Variants in UVRAG observed in about 807,000 individuals in gnomAD.
UVRAG encodes the protein UV radiation resistance associated, also known as UV radiation resistance-associated gene protein.
A neutral mutation model predicts 78.0 loss-of-function variants in UVRAG; 19 were observed. That is an observed-to-expected ratio of 0.24 (90% confidence interval 0.17 to 0.36). The LOEUF is 0.36. Ranked by LOEUF, UVRAG falls within the 10% of genes least tolerant of loss-of-function variation. The pLI, the probability that UVRAG is intolerant of heterozygous loss-of-function variation, is 1.00. For missense variants in UVRAG, 740 were observed against 853.8 expected (o/e 0.87, Z 1.66); for synonymous variants, 323 against 324.6 (o/e 1.00, Z 0.05).
intron 3 of UVRAG, among the ~76,000 whole-genome samples, chr11:75,868,483 A>G (rs1451411192): frequency 6.6e-6 from 1 of 152,224 alleles, no homozygotes; most frequent in African/African-American, 2.4e-5. Context: ...TGGAAGGCAT[A>G]GCATTACAAT....
At chr11:75,936,267 G>A (rs1948371904) in intron 6 of UVRAG, among the ~76,000 whole-genome samples, 1 of 152,196 alleles carries the variant, frequency 6.6e-6, no homozygotes, top group Non-Finnish European at 1.5e-5. Flanking sequence ...CAATCAGTAA[G>A]TATTTGTGGG....
At chr11:75,835,300 A>G (rs1945752814) in intron 1 of UVRAG, 1 of 152,238 alleles carries the variant, frequency 6.6e-6, no homozygotes. Flanking sequence ...TAAATTGAGA[A>G]AACTCATTAC....
chr11:75,856,723 G>C (rs1185046102), intron 2 of UVRAG, among the ~76,000 whole-genome samples: 2 of 152,166 alleles, frequency 1.3e-5, no homozygotes, highest in African/African-American at 4.8e-5. Flanking sequence ...GGGATTATAG[G>C]CAGAAGCCAC....
intron 1 of UVRAG, 24 bp from the exon 2 acceptor site, chr11:75,851,859 C>G: frequency 6.3e-7 from 1 of 1,576,378 alleles, no homozygotes; most frequent in South Asian, 1.2e-5. Flanking sequence ...TGAATGCCTT[C>G]TCTTTTTTGT....
Position 76,141,676 on chromosome 11 carries a change from C to A in UVRAG, c.*263C>A. ...CCTCTAGTTGAAAGAGCTTACAGCT[C>A]GAGTCACCTTTTAGCTATTTGTCTG... On this transcript the variant is annotated 3_prime_UTR_variant, in exon 15 of 15. Transcript: ENST00000356136. The A allele has an allele frequency of 2.1e-6, 1 of 472,308 alleles. No individual in the cohort carries two copies. The highest frequency in any genetic ancestry group is 3.8e-6 in the Non-Finnish European group (1 of 265,226). 29.3% of individuals were successfully genotyped at this position (472,308 alleles called of 1,614,324 possible). A position where few individuals can be genotyped will look rare whatever the true frequency, so the allele number is the denominator to read the frequency against.
In UVRAG at chr11:76,141,218, C is replaced by A; in HGVS notation, c.1905C>A (p.Ile635=). ...LCCTVEQAEE[I]IGLEATGFAS... ...GTACTGTGGAGCAAGCAGAAGAAAT[C>A]ATCGGGCTGGAAGCCACAGGTTTCG... The change falls in exon 15 of 15, where the codon ATC becomes ATA. Residue 635 remains isoleucine (I), a synonymous_variant. Coordinates refer to ENST00000356136, the MANE Select transcript of UVRAG (RefSeq NM_003369.4). 1 of 1,614,092 alleles carries A rather than the reference C, an allele frequency of 6.2e-7. No homozygotes were observed. Among genetic ancestry groups the A allele is most frequent in the Non-Finnish European group, 8.5e-7 (1 of 1,180,024 alleles).
At chr11:76,042,842 A>G (rs1950675756) in intron 12 of UVRAG, among the ~76,000 whole-genome samples, 1 of 152,236 alleles carries the variant, frequency 6.6e-6, no homozygotes, top group African/African-American at 2.4e-5. Flanking sequence ...GCCATTTTCT[A>G]CTAGATGTCT....
intron 8 of UVRAG, among the ~76,000 whole-genome samples, chr11:75,994,764 A>G (rs908339988): frequency 2.6e-5 from 4 of 152,194 alleles, no homozygotes; most frequent in South Asian, 4.1e-4. Flanking sequence ...ACGAAACGTC[A>G]TTACTGCTTT....
At chr11:75,825,217 T>C (rs1464874291) in intron 1 of UVRAG, among the ~76,000 whole-genome samples, 1 of 151,964 alleles carries the variant, frequency 6.6e-6, no homozygotes, top group Non-Finnish European at 1.5e-5. Flanking sequence ...CAAGTAATTC[T>C]CCTGCCTCAG....
intron 6 of UVRAG, among the ~76,000 whole-genome samples, chr11:75,919,459 C>T (rs900908525): frequency 2.0e-5 from 3 of 151,762 alleles, no homozygotes; most frequent in Non-Finnish European, 4.4e-5. Context: ...CAGCAAGAAG[C>T]GAAAGCTGAT....
chr11:76,054,464 G>A (rs1950939098), intron 12 of UVRAG, among the ~76,000 whole-genome samples: 1 of 152,174 alleles, frequency 6.6e-6, no homozygotes, highest in African/African-American at 2.4e-5. Context: ...GTCATTCAGA[G>A]TAAAAACTGA....
At chr11:75,884,240 T>TCTCTTTCTCTCTCTCTCTCTC (rs1555080662) in intron 4 of UVRAG, among the ~76,000 whole-genome samples, 92 of 132,536 alleles carry the variant, frequency 6.9e-4, no homozygotes, top group African/African-American at 2.2e-3. Context: ...CTCTCTCTCT[T>TCTCTTTCTCTCTCTCTCTCTC]TCTCTCTCTC....
intron 6 of UVRAG, among the ~76,000 whole-genome samples, chr11:75,959,791 T>C (rs528525848): frequency 6.6e-6 from 1 of 152,194 alleles, no homozygotes; most frequent in Non-Finnish European, 1.5e-5. Context: ...ATTTCTAGCT[T>C]TTGATTTAAA....
chr11:76,086,093 G>C (rs982089217), intron 13 of UVRAG, among the ~76,000 whole-genome samples: 1 of 152,144 alleles, frequency 6.6e-6, no homozygotes, highest in Non-Finnish European at 1.5e-5. Context: ...CTTTAAATAA[G>C]TAACACGGGT....
chr11:75,824,344 A>G (rs1472115286), intron 1 of UVRAG, among the ~76,000 whole-genome samples: 3 of 152,042 alleles, frequency 2.0e-5, no homozygotes, highest in African/African-American at 4.8e-5. Flanking sequence ...ACAAAATGCT[A>G]TTAGGAATTT....
At chr11:76,036,749 A>C (rs11824565) in intron 12 of UVRAG, among the ~76,000 whole-genome samples, 2,141 of 152,054 alleles carry the variant, frequency 0.014, 57 homozygotes, top group African/African-American at 0.049. Flanking sequence ...AAAAAAACAC[A>C]GACAATATTA....
At chr11:75,937,236 C>T (rs1027633794) in intron 6 of UVRAG, among the ~76,000 whole-genome samples, 12 of 152,020 alleles carry the variant, frequency 7.9e-5, no homozygotes, top group African/African-American at 2.7e-4. Flanking sequence ...GGCATGGTGG[C>T]GGGCGCTTGT....
intron 8 of UVRAG, among the ~76,000 whole-genome samples, chr11:75,993,347 A>G (rs1460127712): frequency 6.6e-6 from 1 of 152,100 alleles, no homozygotes; most frequent in East Asian, 1.9e-4. Context: ...TTCCCTTCCT[A>G]TCCCTCAAAG....
At chr11:75,958,666 A>G (rs189628965) in intron 6 of UVRAG, among the ~76,000 whole-genome samples, 14 of 152,140 alleles carry the variant, frequency 9.2e-5, no homozygotes, top group Admixed American at 5.9e-4. Context: ...GTTAATGTTG[A>G]TATTTTTATC....
Sources: allele counts gnomAD v4.1 joint callset (sites outside exome capture counted in the v4.1 genomes callset), GRCh38; gene constraint gnomAD v4.1.1; transcripts MANE v1.5; gene names NCBI Gene and HGNC (gene_info 2026-07-23, HGNC 2026-07-21).